The following MDM4 variants were observed in gnomAD, a reference collection of about 807,000 sequenced individuals.
MDM4 encodes the protein protein Mdm4.
In MDM4, 2 loss-of-function variants were observed where a neutral mutation model predicts 60.2. That is an observed-to-expected ratio of 0.03 (90% CI 0.01 to 0.10). The LOEUF (loss-of-function observed/expected upper bound fraction) is 0.10. MDM4 is among the 10% of genes least tolerant of loss of function. The pLI is 1.00. For synonymous variants in MDM4, 202 were observed against 198.1 expected (o/e 1.02, Z -0.17); for missense variants, 447 against 577.5 (o/e 0.77, Z 2.32).
chr1:204,531,359 G>A (rs985367099), intron 4 of MDM4, among the ~76,000 whole-genome samples: 4 of 152,188 alleles, frequency 2.6e-5, no homozygotes, highest in Non-Finnish European at 4.4e-5. Context: ...GGCAGTTAGA[G>A]GTTGATGATG....
rs1368738873 is a variant in MDM4 at position 204,538,269 on chromosome 1, C to T, written c.472C>T (p.Leu158=). ...KRTTEDDIPT[L]PTSEHKCIHS... is the part of the protein sequence containing the mutation. ...AACTACAGAAGACGATATCCCCACACTGCCTACCTCAGAGCATAAATGCAT... is the reference window on the plus strand; with the variant it reads ...AACTACAGAAGACGATATCCCCACATTGCCTACCTCAGAGCATAAATGCAT... Residue 158 remains leucine (L), a synonymous_variant, in exon 7 of 11, where the codon CTG becomes TTG. Transcript: ENST00000367182. 2 of 1,609,202 alleles carry T rather than the reference C, an allele frequency of 1.2e-6. No homozygotes were observed. The highest frequency in any genetic ancestry group is 1.7e-6 in the Non-Finnish European group (2 of 1,175,460).
intron 1 of MDM4, among the ~76,000 whole-genome samples, chr1:204,518,789 G>A (rs1440253359): frequency 6.6e-6 from 1 of 152,138 alleles, no homozygotes; most frequent in Non-Finnish European, 1.5e-5. Context: ...CCGCAGCCAC[G>A]CAAGTAGCTG....
chr1:204,532,158 G>C (rs780929447), intron 4 of MDM4, 33 bp from the exon 5 acceptor site: 6 of 1,314,754 alleles, frequency 4.6e-6, no homozygotes, highest in Middle Eastern at 1.8e-4. Flanking sequence ...TGGCATTTGG[G>C]GTTGTTAATT....
intron 4 of MDM4, among the ~76,000 whole-genome samples, chr1:204,531,536 A>G (rs1386480146): frequency 6.6e-6 from 1 of 152,202 alleles, no homozygotes; most frequent in Non-Finnish European, 1.5e-5. Flanking sequence ...GTCTTACACT[A>G]AGACTTCCCT....
chr1:204,520,378 T>C (rs1659453031), intron 1 of MDM4, among the ~76,000 whole-genome samples: 2 of 152,124 alleles, frequency 1.3e-5, no homozygotes, highest in Admixed American at 1.3e-4. Context: ...CCTGCTTTTT[T>C]TTTTTTTTAA....
At chr1:204,547,038 T>G (rs1328489268) in intron 10 of MDM4, among the ~76,000 whole-genome samples, 161 bp downstream of exon 10, 1 of 152,186 alleles carries the variant, frequency 6.6e-6, no homozygotes, top group Non-Finnish European at 1.5e-5. Context: ...TTAAGAGATT[T>G]TTATTGGAAC....
chr1:204,555,002 A>G lies in MDM4; in HGVS notation c.*5320A>G. On this transcript the variant is annotated 3_prime_UTR_variant, in exon 11 of 11. Transcript: ENST00000367182. Reference sequence around the variant, plus strand: ...CTTTTGAATGACTGAAAGTGTTAACAGAGAAAGAGGCATGTCTGCAGAAAG... The same window carrying G: ...CTTTTGAATGACTGAAAGTGTTAACGGAGAAAGAGGCATGTCTGCAGAAAG... The G allele has an allele frequency of 4.5e-6, 1 of 220,556 alleles. No individual in the cohort carries two copies. The allele number at this position is 220,556 out of a possible 1,614,324, so 13.7% of individuals were successfully genotyped here. A position where few individuals can be genotyped will look rare whatever the true frequency, so the allele number is the denominator to read the frequency against.
chr1:204,546,834 C>G lies in MDM4; in HGVS notation c.860C>G (p.Ser287Cys), dbSNP rs1662710526. The G allele has an allele frequency of 3.7e-6, 6 of 1,613,290 alleles. No homozygotes were observed. The highest frequency in any genetic ancestry group is 5.1e-6 in the Non-Finnish European group (6 of 1,179,406). ...EVGKNDDLED[S>C]KSLSDDTDVE... ...GGAAAAAATGATGACCTGGAGGACT[C>G]TAAGTCCTTAAGTGATGATACCGAT... Residue 287 changes from serine to cysteine, a missense_variant, in exon 10 of 11, where the codon TCT (serine) becomes TGT (cysteine). Transcript: ENST00000367182.
At chr1:204,545,278 T>C (rs1662540863) in intron 9 of MDM4, among the ~76,000 whole-genome samples, 2 of 152,232 alleles carry the variant, frequency 1.3e-5, no homozygotes, top group African/African-American at 4.8e-5. Context: ...GATAAGATTA[T>C]TTCTTTGTAG....
In MDM4 at chr1:204,549,296, C is replaced by G. The variant is rs774519008; in HGVS notation, c.1087C>G (p.Arg363Gly). The change falls in exon 11 of 11, where the codon CGA becomes GGA. Residue 363 changes from arginine (R) to glycine (G), a missense_variant. Around this residue, in one of 8 missense-constraint regions of MDM4, gnomAD observed 117 missense variants for 114.5 expected, o/e 1.02. Transcript: ENST00000367182. ...TGAAGGAAATGATGTCCCTGATTGT[C>G]GAAGAACCATTTCGGCTCCTGTCGT... Reference protein sequence around the residue: ...ENEGNDVPDCRRTISAPVVRP... With the variant: ...ENEGNDVPDCGRTISAPVVRP... 6.2e-6 allele frequency: 10 copies of G among 1,613,974 alleles called. No homozygotes were observed. Among genetic ancestry groups the G allele is most frequent in the Middle Eastern group, 3.3e-4 (2 of 6,084 alleles).
chr1:204,537,036 G>A (rs1417544069), intron 5 of MDM4: 3 of 264,534 alleles, frequency 1.1e-5, no homozygotes, highest in South Asian at 3.8e-5. Context: ...AATGTAAAAA[G>A]CCATACACTC....
intron 3 of MDM4, among the ~76,000 whole-genome samples, chr1:204,528,486 C>A (rs1660471305): frequency 6.6e-6 from 1 of 152,194 alleles, no homozygotes; most frequent in African/African-American, 2.4e-5. Context: ...GGCCAGTGAA[C>A]ACTCGCCACT....
Position 204,551,004 on chromosome 1 carries a change from C to G in MDM4, c.*1322C>G, listed in dbSNP as rs1663150572. On this transcript the variant is annotated 3_prime_UTR_variant, in exon 11 of 11. Transcript: ENST00000367182. ...TAATTCAGATAAACACACAAACATA[C>G]TTCTCTGGCACAGCCTTCAGAAGCA... is the stretch of plus-strand genomic sequence containing the variant. 5.4e-6 allele frequency: 1 copy of G among 185,810 alleles called. No homozygotes were observed. 11.5% of individuals were successfully genotyped at this position (185,810 alleles called of 1,614,324 possible).
intron 3 of MDM4, among the ~76,000 whole-genome samples, chr1:204,528,337 G>A (rs1660456032): frequency 6.6e-6 from 1 of 152,166 alleles, no homozygotes; most frequent in Non-Finnish European, 1.5e-5. Flanking sequence ...TAATACCCAA[G>A]GATTTATGGG....
chr1:204,526,009 C>A (rs1660097930), intron 2 of MDM4, among the ~76,000 whole-genome samples: 1 of 152,076 alleles, frequency 6.6e-6, no homozygotes, highest in South Asian at 2.1e-4. Flanking sequence ...AATCCCAGCA[C>A]TTCGGGAGGC....
At chr1:204,522,854 A>T (rs1294614273) in intron 1 of MDM4, among the ~76,000 whole-genome samples, 1 of 139,588 alleles carries the variant, frequency 7.2e-6, no homozygotes. Flanking sequence ...CAGTGTATTT[A>T]CTGATTGTCT....
chr1:204,523,913 G>A (rs117724569), intron 1 of MDM4, among the ~76,000 whole-genome samples: 4,147 of 152,134 alleles, frequency 0.027, 103 homozygotes, highest in East Asian at 0.085. Context: ...GGGTTGGACC[G>A]CACAGTCTAA....
At chr1:204,544,836 T>A in intron 9 of MDM4, 152 bp downstream of exon 9, 1 of 789,104 alleles carries the variant, frequency 1.3e-6, no homozygotes. Context: ...AGATTCACAT[T>A]AAGTAATGTT....
chr1:204,516,933 G>A (rs1659035997), intron 1 of MDM4, among the ~76,000 whole-genome samples: 2 of 152,168 alleles, frequency 1.3e-5, no homozygotes, highest in African/African-American at 4.8e-5. Context: ...AGGCACTTGA[G>A]TGCTTGTTTG....
Sources: allele counts gnomAD v4.1 joint callset (sites outside exome capture counted in the v4.1 genomes callset), GRCh38; gene constraint gnomAD v4.1.1; regional missense constraint gnomAD v4.1.1; transcripts MANE v1.5; gene names NCBI Gene and HGNC (gene_info 2026-07-23, HGNC 2026-07-21).